Variants in RIPOR2 observed in about 807,000 individuals in gnomAD.
The protein encoded by RIPOR2 is rho family-interacting cell polarization regulator 2.
RIPOR2 carries 39 observed loss-of-function variants against 114.5 expected under a neutral mutation model. The ratio of observed to expected loss-of-function variants is 0.34; its 90% CI spans 0.26 to 0.44. The LOEUF is 0.44. Among genes scored for constraint, RIPOR2 ranks in the 20% least tolerant of loss-of-function variants. The pLI is 1.00. For synonymous variants in RIPOR2, 445 were observed against 484.4 expected, an observed-to-expected ratio of 0.92 and a Z score of 1.07; for missense variants, 1,007 against 1,255.1, an observed-to-expected ratio of 0.80 and a Z score of 2.99.
chr6:24,938,630 C>T (rs1294754633), upstream of RIPOR2, among the ~76,000 whole-genome samples: 1 of 152,122 alleles, frequency 6.6e-6, no homozygotes, highest in African/African-American at 2.4e-5. Context: ...ATTGAAGGCT[C>T]AATGGGGATA....
intron 12 of RIPOR2, among the ~76,000 whole-genome samples, chr6:24,846,794 A>G (rs1762340670): frequency 6.6e-6 from 1 of 152,206 alleles, no homozygotes; most frequent in South Asian, 2.1e-4. Flanking sequence ...TGTATAATAT[A>G]TAATACTTAT....
rs74903213 is a variant in RIPOR2 at position 24,999,087 on chromosome 6, G to A, written c.76+42764C>T. 9.6e-3 allele frequency among the ~76,000 whole-genome samples: 1,458 copies of A among 152,254 alleles called. 21 individuals carry two copies. Among genetic ancestry groups the A allele is most frequent in the African/African-American group, 0.031 (1,290 of 41,538 alleles). ...AGGGAATCTTGGGGATGTTGATTTGGATGTGAGACAGGAAACTTACAGGGT... is the reference window on the plus strand; with the variant it reads ...AGGGAATCTTGGGGATGTTGATTTGAATGTGAGACAGGAAACTTACAGGGT... On this transcript the variant is annotated intron_variant, in intron 1 of 13. Coordinates refer to the RIPOR2 transcript ENST00000510784.
intron 1 of RIPOR2, among the ~76,000 whole-genome samples, chr6:25,012,758 T>C (rs535648619): frequency 6.6e-6 from 1 of 152,288 alleles, no homozygotes; most frequent in African/African-American, 2.4e-5. Context: ...TGCCTGCTAA[T>C]GGGGACCGGG....
chr6:25,020,364 C>G (rs1776259896), intron 1 of RIPOR2, among the ~76,000 whole-genome samples: 1 of 152,190 alleles, frequency 6.6e-6, no homozygotes, highest in African/African-American at 2.4e-5. Flanking sequence ...CATGCAGGAG[C>G]CTTCCTGAGA....
rs528700564 is a variant in RIPOR2 at position 24,928,009 on chromosome 6, G to A, written c.61+7829C>T. On this transcript the variant is annotated intron_variant, in intron 1 of 21. Transcript: ENST00000643898. Reference sequence around the variant, plus strand: ...CTAGAAGCTGTTTGCAGAGCAACACGTGATTTTTTACTCAGATTGTAGAAT... The same window carrying A: ...CTAGAAGCTGTTTGCAGAGCAACACATGATTTTTTACTCAGATTGTAGAAT... Among the ~76,000 whole-genome samples, 11 of 152,342 alleles carry A rather than the reference G, an allele frequency of 7.2e-5. No individual in the cohort carries two copies. The South Asian group carries it at 1.0e-3, about 14-fold the overall frequency.
At chr6:24,907,133 C>T (rs1581768483) in intron 1 of RIPOR2, among the ~76,000 whole-genome samples, 1 of 152,292 alleles carries the variant, frequency 6.6e-6, no homozygotes, top group East Asian at 1.9e-4. Context: ...AAATGGTGTA[C>T]AAAATAACTT....
Position 24,995,364 on chromosome 6 carries a change from G to A in RIPOR2, c.76+46487C>T, listed in dbSNP as rs528526072. Among the ~76,000 whole-genome samples the A allele has an allele frequency of 2.6e-5, 4 of 152,238 alleles. No homozygotes were observed. In the South Asian group the frequency reaches 8.3e-4, roughly 31 times the overall value. On this transcript the variant is annotated intron_variant, in intron 1 of 13. Transcript: ENST00000510784. ...GACAGAAGAGAAATGGTCCCAGAGG[G>A]AAGCCATTTGGTTGGATAAAGTGTG...
chr6:24,865,081 A>G (rs190973789), intron 7 of RIPOR2, among the ~76,000 whole-genome samples: 4 of 152,302 alleles, frequency 2.6e-5, no homozygotes, highest in African/African-American at 9.6e-5. Flanking sequence ...TTGAATAACT[A>G]GGACTACAGG....
intron 1 of RIPOR2, among the ~76,000 whole-genome samples, chr6:25,018,163 G>C (rs911577502): frequency 6.6e-6 from 1 of 152,144 alleles, no homozygotes; most frequent in African/African-American, 2.4e-5. Flanking sequence ...GCTGTAGAGC[G>C]GCGCCACCTG....
chr6:24,806,354 T>A lies in RIPOR2; in HGVS notation c.*19A>T. ...AAAGGGCCAGATATTAAGACAGCTG[T>A]TAGGCAGTTAACCTGTAATTAAAAG... is the stretch of plus-strand genomic sequence containing the variant. On this transcript the variant is annotated 3_prime_UTR_variant, in exon 22 of 22. Coordinates refer to ENST00000643898, the MANE Select transcript of RIPOR2 (RefSeq NM_001286445.3). 6.7e-7 allele frequency: 1 copy of A among 1,481,702 alleles called. No individual in the cohort carries two copies. Among genetic ancestry groups the A allele is most frequent in the South Asian group, 1.2e-5 (1 of 82,650 alleles). 91.8% of individuals were successfully genotyped at this position (1,481,702 alleles called of 1,614,324 possible). A position where few individuals can be genotyped will look rare whatever the true frequency, so the allele number is the denominator to read the frequency against.
chr6:24,911,132 A>T, intron 1 of RIPOR2: 1 of 107,516 alleles, frequency 9.3e-6, no homozygotes, highest in Non-Finnish European at 1.3e-5. Context: ...AGCCGTGAGG[A>T]GGGGGAGGCG....
At chr6:24,853,543 A>G (rs1763164049) in intron 8 of RIPOR2, among the ~76,000 whole-genome samples, 1 of 152,240 alleles carries the variant, frequency 6.6e-6, no homozygotes. Flanking sequence ...ACAGAAATGA[A>G]ACAGACAAGG....
chr6:24,945,174 G>A lies in RIPOR2; in HGVS notation c.77-69357C>T, dbSNP rs375297427. ...TAAAAAAAAGAAATAAACCATAGAA[G>A]GCAGAAGAAAGGGGACAGCATATAT... On this transcript the variant is annotated intron_variant, in intron 1 of 13. Transcript: ENST00000510784. Among the ~76,000 whole-genome samples the A allele has an allele frequency of 2.6e-5, 4 of 151,370 alleles. No individual in the cohort carries two copies. The East Asian group carries it at 5.8e-4, about 22-fold the overall frequency.
chr6:24,832,442 C>A, intron 15 of RIPOR2, 51 bp from the exon 16 acceptor site: 1 of 1,498,912 alleles, frequency 6.7e-7, no homozygotes, highest in Middle Eastern at 1.7e-4. Context: ...TTCAGTAGAG[C>A]TTTCTCTACC....
intron 20 of RIPOR2, among the ~76,000 whole-genome samples, chr6:24,810,776 C>T (rs115693112): frequency 0.014 from 2,162 of 151,964 alleles, 59 homozygotes; most frequent in African/African-American, 0.049. Context: ...TTTTTTTAAC[C>T]AAGTAACAAG....
At chr6:24,828,338 CCATTCATTCATT>C in intron 17 of RIPOR2, 43 bp from the exon 18 acceptor site, 1 of 1,201,900 alleles carries the variant, frequency 8.3e-7, no homozygotes, top group Non-Finnish European at 1.1e-6. Context: ...AGATAGATGA[CCATTCATTCATT>C]CATTCATTCA....
At chr6:24,906,007 G>C (rs7738816) in intron 1 of RIPOR2, among the ~76,000 whole-genome samples, 8,984 of 152,222 alleles carry the variant, frequency 0.059, 406 homozygotes, top group Non-Finnish European at 0.093. Flanking sequence ...AAGTGAAGAG[G>C]CAAATACAAG....
Position 24,806,396 on chromosome 6 carries a change from T to C in RIPOR2, c.3121A>G (p.Thr1041Ala). The C allele has an allele frequency of 1.3e-6, 2 of 1,551,366 alleles. No individual in the cohort carries two copies. Among genetic ancestry groups the C allele is most frequent in the Non-Finnish European group, 1.7e-6 (2 of 1,146,738 alleles). Residue 1041 changes from threonine (T) to alanine (A), a missense_variant, in exon 22 of 22, where the codon ACT (threonine) becomes GCT (alanine). Transcript: ENST00000643898. ...AATTAAAAGGCTGTGGCAACTTCAG[T>C]TCCATGACGACCTCCGACTTTAACA... ...DCVKVGGRHG[T>A]EVATAF
At chr6:24,987,875 A>G (rs1348781211) in intron 1 of RIPOR2, among the ~76,000 whole-genome samples, 2 of 152,218 alleles carry the variant, frequency 1.3e-5, no homozygotes, top group Non-Finnish European at 1.5e-5. Flanking sequence ...TAAAAAATAA[A>G]CCAGGCCTAT....
Sources: allele counts gnomAD v4.1 joint callset (sites outside exome capture counted in the v4.1 genomes callset), GRCh38; gene constraint gnomAD v4.1.1; transcripts MANE v1.5; gene names NCBI Gene and HGNC (gene_info 2026-07-23, HGNC 2026-07-21).